The following GRID2 variants were observed in gnomAD, a reference collection of about 807,000 sequenced individuals.
GRID2 encodes glutamate receptor ionotropic, delta-2.
Under a neutral mutation model 114.8 loss-of-function variants are expected in GRID2, and 33 were observed. The ratio of observed to expected loss-of-function variants is 0.29; its 90% CI spans 0.22 to 0.38. The LOEUF (loss-of-function observed/expected upper bound fraction) is 0.38. Ranked by LOEUF, GRID2 falls within the 10% of genes least tolerant of loss-of-function variation. The pLI, the probability that GRID2 is intolerant of heterozygous loss-of-function variation, is 1.00. For synonymous variants in GRID2, 505 were observed against 449.9 expected (o/e 1.12, Z -1.55); for missense variants, 1,184 against 1,257.7 (o/e 0.94, Z 0.89).
chr4:93,664,747 T>G (rs1410143721), intron 14 of GRID2, among the ~76,000 whole-genome samples: 1 of 152,138 alleles, frequency 6.6e-6, no homozygotes, highest in Non-Finnish European at 1.5e-5. Flanking sequence ...CTTTGCCGTT[T>G]ATTAGCTGTG....
At chr4:93,261,764 G>A (rs918861597) in intron 8 of GRID2, among the ~76,000 whole-genome samples, 1 of 151,706 alleles carries the variant, frequency 6.6e-6, no homozygotes, top group African/African-American at 2.4e-5. Flanking sequence ...CCATCTAGCC[G>A]TCTATTTAAT....
intron 2 of GRID2, among the ~76,000 whole-genome samples, chr4:92,665,234 C>T (rs1732713308): frequency 6.7e-6 from 1 of 148,990 alleles, no homozygotes; most frequent in Non-Finnish European, 1.5e-5. Context: ...TTACATTTAA[C>T]ATCCTCAAGT....
At chr4:92,713,668 T>C (rs1735392208) in intron 2 of GRID2, among the ~76,000 whole-genome samples, 1 of 151,540 alleles carries the variant, frequency 6.6e-6, no homozygotes, top group African/African-American at 2.4e-5. Flanking sequence ...CTCACAATTA[T>C]GGCAGAAGGT....
rs191974343 is a variant in GRID2, at chr4:92,432,277, G to T, written c.88+127533G>T. On this transcript the variant is annotated intron_variant, in intron 1 of 15. Transcript: ENST00000282020. ...ACTGATGGTCATTTAAGGCCCAAGGGTTCTTTAGTTAGCAGGTGGTGAATC... is the reference window on the plus strand; with the variant it reads ...ACTGATGGTCATTTAAGGCCCAAGGTTTCTTTAGTTAGCAGGTGGTGAATC... 3.2e-3 allele frequency among the ~76,000 whole-genome samples: 483 copies of T among 152,210 alleles called. 4 individuals are homozygous for T. The highest frequency in any genetic ancestry group is 0.011 in the African/African-American group (446 of 41,538).
At chr4:93,712,107 A>G (rs1174140724) in intron 14 of GRID2, among the ~76,000 whole-genome samples, 1 of 151,964 alleles carries the variant, frequency 6.6e-6, no homozygotes, top group African/African-American at 2.4e-5. Flanking sequence ...CTTTTTACAT[A>G]TTTACAATAT....
chr4:93,778,259 T>C (rs1035985353), downstream of GRID2, among the ~76,000 whole-genome samples: 1 of 152,190 alleles, frequency 6.6e-6, no homozygotes, highest in African/African-American at 2.4e-5. Flanking sequence ...TTAGGTTGAC[T>C]TTAAAATTAA....
At chr4:92,916,294 A>C (rs530263932) in intron 2 of GRID2, among the ~76,000 whole-genome samples, 4 of 152,242 alleles carry the variant, frequency 2.6e-5, no homozygotes, top group Non-Finnish European at 5.9e-5. Context: ...ATGGCTAGCC[A>C]GTTATCCCAA....
chr4:92,919,253 T>TTTCTTCA (rs1749092674), intron 2 of GRID2, among the ~76,000 whole-genome samples: 8 of 152,200 alleles, frequency 5.3e-5, no homozygotes, highest in Admixed American at 3.9e-4. Context: ...TTCTTCTTTA[T>TTTCTTCA]TAGTCTTGGT....
rs142152002 is a variant in GRID2, at chr4:93,171,558, G to A, written c.736-35846G>A. Among the ~76,000 whole-genome samples, 3 of 152,220 alleles carry A rather than the reference G, an allele frequency of 2.0e-5. No homozygotes were observed. The East Asian group carries it at 5.8e-4, about 29-fold the overall frequency. On this transcript the variant is annotated intron_variant, in intron 4 of 15. Coordinates refer to ENST00000282020, the MANE Select transcript of GRID2 (RefSeq NM_001510.4). ...AGAATGTAAGCTTCATGAACAAACA[G>A]ATTTTTGTCAATTGTGTCCTAAACC... is the stretch of plus-strand genomic sequence containing the variant.
chr4:93,093,046 C>G (rs1470698394), intron 3 of GRID2, among the ~76,000 whole-genome samples: 1 of 151,982 alleles, frequency 6.6e-6, no homozygotes. Flanking sequence ...AAGTCATCAC[C>G]ATTTGTTTAT....
intron 1 of GRID2, among the ~76,000 whole-genome samples, chr4:92,409,736 T>G (rs1731206863): frequency 1.3e-5 from 2 of 152,212 alleles, no homozygotes; most frequent in African/African-American, 4.8e-5. Context: ...AATTTTTAAG[T>G]GAATATGAAA....
chr4:92,958,435 C>A (rs773081984), intron 2 of GRID2, among the ~76,000 whole-genome samples: 3 of 151,918 alleles, frequency 2.0e-5, no homozygotes, highest in Non-Finnish European at 4.4e-5. Flanking sequence ...GTTTTGTGAT[C>A]TTTCTTATTT....
chr4:93,279,393 C>G (rs148900652), intron 8 of GRID2, among the ~76,000 whole-genome samples: 1 of 151,900 alleles, frequency 6.6e-6, no homozygotes, highest in East Asian at 1.9e-4. Context: ...ATTTCTGTTA[C>G]TCTTTAGGTT....
chr4:93,539,370 T>G (rs1732421474), intron 13 of GRID2, among the ~76,000 whole-genome samples: 1 of 152,008 alleles, frequency 6.6e-6, no homozygotes, highest in South Asian at 2.1e-4. Flanking sequence ...TTCATTTGTT[T>G]AATGTATATG....
intron 8 of GRID2, among the ~76,000 whole-genome samples, chr4:93,286,081 A>G (rs916453411): frequency 1.3e-5 from 2 of 152,144 alleles, no homozygotes; most frequent in Non-Finnish European, 1.5e-5. Context: ...CTTTTTCTGC[A>G]TATAGAATAT....
At chr4:92,512,446 T>C (rs1173684724) in intron 1 of GRID2, among the ~76,000 whole-genome samples, 1 of 151,874 alleles carries the variant, frequency 6.6e-6, no homozygotes, top group Admixed American at 6.6e-5. Context: ...AAGCTTTCTC[T>C]ATGTCTGTCA....
intron 2 of GRID2, among the ~76,000 whole-genome samples, chr4:92,716,741 T>A (rs2149314247): frequency 6.6e-6 from 1 of 152,314 alleles, no homozygotes; most frequent in East Asian, 1.9e-4. Flanking sequence ...TTATACGCTT[T>A]GAGTCAGTTC....
At chr4:93,327,157 A>G (rs991908002) in intron 8 of GRID2, among the ~76,000 whole-genome samples, 11 of 152,066 alleles carry the variant, frequency 7.2e-5, no homozygotes, top group Non-Finnish European at 4.4e-5. Context: ...TTTAAATGTC[A>G]TCTTTATATG....
chr4:92,908,272 T>G (rs1287771402), intron 2 of GRID2, among the ~76,000 whole-genome samples: 1 of 152,158 alleles, frequency 6.6e-6, no homozygotes, highest in Non-Finnish European at 1.5e-5. Flanking sequence ...ATTGTATTGA[T>G]TGAATTATAG....
Sources: gnomAD v4.1 joint callset for allele counts (sites outside exome capture counted in the v4.1 genomes callset) on GRCh38, gnomAD v4.1.1 for gene constraint, MANE v1.5 for transcripts, NCBI Gene and HGNC (gene_info 2026-07-23, HGNC 2026-07-21) for gene names.